The following RAB40A variants were observed in gnomAD, a reference collection of about 807,000 sequenced individuals.
RAB40A encodes ras-related protein Rab-40A.
For synonymous variants in RAB40A, 65 were observed against 99.9 expected, an observed-to-expected ratio of 0.65 and a Z score of 2.08; for missense variants, 145 against 230.2, an observed-to-expected ratio of 0.63 and a Z score of 2.40.
chrX:103,516,450 T>C (rs1280110295), intron 2 of RAB40A, among the ~76,000 whole-genome samples: 2 of 111,685 alleles, frequency 1.8e-5, no homozygotes, highest in Non-Finnish European at 3.8e-5. Flanking sequence ...ACTGAGACCC[T>C]ATAGTGTACA....
intron 2 of RAB40A, among the ~76,000 whole-genome samples, chrX:103,506,498 T>C (rs1363857227): frequency 8.9e-6 from 1 of 112,271 alleles, no homozygotes; most frequent in Admixed American, 9.5e-5. Context: ...TCCAACATAT[T>C]TTACGACAAA....
chrX:103,505,803 AAC>A (rs1337553738), intron 2 of RAB40A, among the ~76,000 whole-genome samples: 3 of 111,697 alleles, frequency 2.7e-5, no homozygotes, highest in African/African-American at 9.8e-5. Flanking sequence ...CTTTGGGATT[AAC>A]AGTTTTTTGT....
At chrX:103,510,227 T>C (rs2073281976) in intron 2 of RAB40A, among the ~76,000 whole-genome samples, 2 of 112,108 alleles carry the variant, frequency 1.8e-5, no homozygotes, top group South Asian at 7.4e-4. Flanking sequence ...TAAATCCAAT[T>C]GTCCCACTCC....
chrX:103,496,258 G>A (rs761057333), downstream of RAB40A, among the ~76,000 whole-genome samples: 1 of 112,223 alleles, frequency 8.9e-6, no homozygotes, highest in South Asian at 3.7e-4. Flanking sequence ...GAGACAATTT[G>A]TCTTCTCTGA....
rs1179233440 is a variant in RAB40A at position 103,519,357 on chromosome X, T to A, written c.-223+13A>T. On this transcript the variant is annotated intron_variant, in intron 1 of 2. Coordinates refer to ENST00000304236, the MANE Select transcript of RAB40A (RefSeq NM_080879.3). ...AAAAGAGAAAGAAATACTTGGAATT[T>A]GATTTGGAAAACCTTTCTCCTGTAG... The A allele has an allele frequency of 8.9e-6, 1 of 111,752 alleles. No individual in the cohort carries two copies. The highest frequency in any genetic ancestry group is 3.3e-5 in the African/African-American group (1 of 30,722). 9.2% of individuals were successfully genotyped at this position (111,752 alleles called of 1,213,427 possible).
chrX:103,519,088 C>A (rs1386109576), intron 1 of RAB40A, among the ~76,000 whole-genome samples: 3 of 111,441 alleles, frequency 2.7e-5, no homozygotes, highest in Admixed American at 1.9e-4. Flanking sequence ...ACAATGAGCC[C>A]CCTGTGTAAC....
chrX:103,516,253 G>T (rs1393376652), intron 2 of RAB40A, among the ~76,000 whole-genome samples: 1 of 111,700 alleles, frequency 9.0e-6, no homozygotes, highest in Non-Finnish European at 1.9e-5. Context: ...TTGATGTTTT[G>T]ACTTATAATT....
At chrX:103,519,089 C>A (rs1300732684) in intron 1 of RAB40A, among the ~76,000 whole-genome samples, 3 of 111,573 alleles carry the variant, frequency 2.7e-5, no homozygotes, top group Admixed American at 1.9e-4. Context: ...CAATGAGCCC[C>A]CTGTGTAACA....
At chrX:103,514,227 C>T (rs922144542) in intron 2 of RAB40A, among the ~76,000 whole-genome samples, 1 of 111,984 alleles carries the variant, frequency 8.9e-6, no homozygotes, top group Non-Finnish European at 1.9e-5. Context: ...AACAAAATAA[C>T]ACCATATTTC....
intron 2 of RAB40A, chrX:103,503,226 C>G (rs929374270): frequency 8.6e-5 from 65 of 751,612 alleles, no homozygotes; most frequent in Non-Finnish European, 9.6e-5. Context: ...GCATGAAACA[C>G]CAGGTAGCAC....
At chrX:103,502,289 A>G (rs1210583779) in intron 2 of RAB40A, 1 of 123,553 alleles carries the variant, frequency 8.1e-6, no homozygotes, top group Non-Finnish European at 1.9e-5. Flanking sequence ...TTAGCTGACA[A>G]TAAGGAGATA....
At chrX:103,505,591 C>T (rs1232103985) in intron 2 of RAB40A, among the ~76,000 whole-genome samples, 4 of 111,347 alleles carry the variant, frequency 3.6e-5, no homozygotes, top group Non-Finnish European at 3.8e-5. Context: ...TTTATACGTG[C>T]AGCTGTCGTA....
intron 2 of RAB40A, chrX:103,503,000 A>G (rs765498893): frequency 1.3e-6 from 1 of 760,508 alleles, no homozygotes; most frequent in African/African-American, 2.3e-5. Flanking sequence ...TAATGAGAAC[A>G]CAGACATCCA....
At chrX:103,493,553 T>G in the RAB40A span, among the ~76,000 whole-genome samples, 1 of 111,597 alleles carries the variant, frequency 9.0e-6, no homozygotes, top group Admixed American at 9.5e-5. Flanking sequence ...TTATACTCAT[T>G]AACCATATGC....
At chrX:103,502,791 G>A in intron 2 of RAB40A, 1 of 752,808 alleles carries the variant, frequency 1.3e-6, no homozygotes, top group African/African-American at 2.3e-5. Context: ...GAAAGCCTGA[G>A]CTTGATTATC....
chrX:103,516,318 A>C (rs2073316345), intron 2 of RAB40A, among the ~76,000 whole-genome samples: 2 of 111,637 alleles, frequency 1.8e-5, no homozygotes, highest in South Asian at 3.8e-4. Flanking sequence ...ACTGTACTTC[A>C]AGTTTTAAAT....
At chrX:103,507,425 G>C (rs1186320193) in intron 2 of RAB40A, among the ~76,000 whole-genome samples, 1 of 108,928 alleles carries the variant, frequency 9.2e-6, no homozygotes, top group Admixed American at 9.7e-5. Flanking sequence ...TTTTTCCTTT[G>C]GAAAGTGTTT....
intron 2 of RAB40A, among the ~76,000 whole-genome samples, chrX:103,508,054 G>T (rs2073265795): frequency 8.9e-6 from 1 of 112,263 alleles, no homozygotes; most frequent in Non-Finnish European, 1.9e-5. Flanking sequence ...CACAAATCAG[G>T]GATACTAACC....
At chrX:103,518,647 T>C (rs1299683882) in intron 1 of RAB40A, among the ~76,000 whole-genome samples, 1 of 111,797 alleles carries the variant, frequency 8.9e-6, no homozygotes. Flanking sequence ...AAACACATTA[T>C]AATATAAAAA....
Sources: gnomAD v4.1 joint callset for allele counts (sites outside exome capture counted in the v4.1 genomes callset) on GRCh38, gnomAD v4.1.1 for gene constraint, MANE v1.5 for transcripts, NCBI Gene and HGNC (gene_info 2026-07-23, HGNC 2026-07-21) for gene names.